NPAS3: variants seen among roughly 807,000 people sequenced by gnomAD.
NPAS3 encodes the protein neuronal PAS domain-containing protein 3.
A neutral mutation model predicts 73.1 loss-of-function variants in NPAS3; 14 were observed. The observed-to-expected ratio is 0.19, with a 90% CI of 0.13 to 0.30. The LOEUF is 0.30. Among genes scored for constraint, NPAS3 ranks in the 10% least tolerant of loss-of-function variants. The pLI is 1.00. For synonymous variants in NPAS3, 620 were observed against 541.5 expected (o/e 1.14, Z -2.01); for missense variants, 1,096 against 1,250.0 (o/e 0.88, Z 1.86).
At chr14:33,149,414 C>T (rs913942909) in intron 2 of NPAS3, among the ~76,000 whole-genome samples, 1 of 152,170 alleles carries the variant, frequency 6.6e-6, no homozygotes, top group Non-Finnish European at 1.5e-5. Context: ...CTTAATCACA[C>T]CTTCTCATGA....
chr14:33,462,321 A>G (rs1160570437), intron 4 of NPAS3, among the ~76,000 whole-genome samples: 1 of 152,124 alleles, frequency 6.6e-6, no homozygotes, highest in Non-Finnish European at 1.5e-5. Flanking sequence ...GCTGCTGGCA[A>G]ACCTCTGGTT....
chr14:33,564,171 G>A (rs1253068137), intron 5 of NPAS3, among the ~76,000 whole-genome samples: 1 of 152,078 alleles, frequency 6.6e-6, no homozygotes, highest in African/African-American at 2.4e-5. Flanking sequence ...CAACAAAGAG[G>A]CTCATAAAAA....
intron 6 of NPAS3, among the ~76,000 whole-genome samples, chr14:33,681,761 C>T (rs1030050383): frequency 2.6e-5 from 4 of 152,138 alleles, no homozygotes; most frequent in Non-Finnish European, 5.9e-5. Context: ...TTCTTTTATA[C>T]ATAAATAGGG....
At chr14:32,963,972 C>T (rs985572445) in intron 1 of NPAS3, among the ~76,000 whole-genome samples, 2 of 151,700 alleles carry the variant, frequency 1.3e-5, no homozygotes, top group Non-Finnish European at 2.9e-5. Context: ...GCTATCCTTC[C>T]TTGGTATACC....
At chr14:33,155,410 G>A (rs2044610876) in intron 2 of NPAS3, among the ~76,000 whole-genome samples, 1 of 152,100 alleles carries the variant, frequency 6.6e-6, no homozygotes, top group African/African-American at 2.4e-5. Flanking sequence ...GGGGTGAGGA[G>A]GAACTGGGTA....
rs113886646 is a variant in NPAS3 at position 33,617,723 on chromosome 14, T to C, written c.558+57513T>C. On this transcript the variant is annotated intron_variant, in intron 5 of 11. Transcript: ENST00000356141. ...TCTGAAGTGTAGTAAATCACAGCGA[T>C]CAAGGGCTGTGCCACATTAGGCATC... Among the ~76,000 whole-genome samples the C allele has an allele frequency of 2.9e-3, 441 of 152,286 alleles. 2 individuals carry two copies. Among genetic ancestry groups the C allele is most frequent in the Non-Finnish European group, 5.0e-3 (342 of 68,028 alleles).
chr14:33,035,707 A>G (rs1226747725), intron 1 of NPAS3, among the ~76,000 whole-genome samples: 2 of 152,196 alleles, frequency 1.3e-5, no homozygotes, highest in African/African-American at 4.8e-5. Flanking sequence ...GGAACTGTCT[A>G]GTCTACAAAT....
At chr14:33,469,505 C>A (rs1179529088) in intron 4 of NPAS3, among the ~76,000 whole-genome samples, 1 of 152,110 alleles carries the variant, frequency 6.6e-6, no homozygotes, top group African/African-American at 2.4e-5. Context: ...TAGAAATCAG[C>A]CTTAATGTTG....
chr14:33,108,665 T>G lies in NPAS3; in HGVS notation c.140+52671T>G, dbSNP rs760825580. Among the ~76,000 whole-genome samples, 53 of 152,322 alleles carry G rather than the reference T, an allele frequency of 3.5e-4. 1 individual carries two copies. The Middle Eastern group carries it at 0.01, about 29-fold the overall frequency. On this transcript the variant is annotated intron_variant, in intron 2 of 11. Coordinates refer to ENST00000356141, the Ensembl canonical transcript of NPAS3. ...GAATGTTGTTTTTGACTGGTTTGTTTATATTGAAACTATATTATTTTATGT... is the reference window on the plus strand; with the variant it reads ...GAATGTTGTTTTTGACTGGTTTGTTGATATTGAAACTATATTATTTTATGT...
intron 2 of NPAS3, among the ~76,000 whole-genome samples, chr14:33,185,974 G>T (rs2045960252): frequency 6.6e-6 from 1 of 152,130 alleles, no homozygotes; most frequent in African/African-American, 2.4e-5. Flanking sequence ...CACAAGGGAA[G>T]AAATCAAGTG....
At chr14:33,787,952 G>A (rs569964168) in intron 9 of NPAS3, among the ~76,000 whole-genome samples, 10 of 151,078 alleles carry the variant, frequency 6.6e-5, no homozygotes, top group Non-Finnish European at 1.5e-4. Context: ...GAATTAAAAA[G>A]AAAAAAAAGG....
rs539706170 is a variant in NPAS3, at chr14:33,771,913, G to C, written c.853-2424G>C. On this transcript the variant is annotated intron_variant, in intron 7 of 11. Transcript: ENST00000356141. ...TTGAAGTGACTCTTAAACAAGACAT[G>C]GAAACATAGTTCCAGGCACTATTTG... is the stretch of plus-strand genomic sequence containing the variant. 8.5e-5 allele frequency among the ~76,000 whole-genome samples: 13 copies of C among 152,252 alleles called. No individual in the cohort carries two copies. In the South Asian group the frequency reaches 2.7e-3, roughly 32 times the overall value.
chr14:33,483,586 A>G (rs1466640206), intron 4 of NPAS3, among the ~76,000 whole-genome samples: 1 of 152,190 alleles, frequency 6.6e-6, no homozygotes, highest in Admixed American at 6.5e-5. Flanking sequence ...CACAGCAGAC[A>G]GTTACCTAAT....
intron 2 of NPAS3, among the ~76,000 whole-genome samples, chr14:33,131,172 C>T (rs992663034): frequency 5.9e-5 from 9 of 151,964 alleles, no homozygotes; most frequent in African/African-American, 2.2e-4. Context: ...ACACTTTTTT[C>T]CTCAAGGAAA....
intron 5 of NPAS3, among the ~76,000 whole-genome samples, chr14:33,673,724 A>G (rs1460084987): frequency 6.6e-6 from 1 of 152,214 alleles, no homozygotes; most frequent in East Asian, 1.9e-4. Flanking sequence ...CCAGGGGAGC[A>G]TCCATGTGGA....
At chr14:33,670,373 A>C (rs2140311681) in intron 5 of NPAS3, among the ~76,000 whole-genome samples, 1 of 152,256 alleles carries the variant, frequency 6.6e-6, no homozygotes, top group East Asian at 1.9e-4. Flanking sequence ...TAACAGACCG[A>C]ATGCTTTTAT....
chr14:33,089,610 C>T (rs1167264128), intron 2 of NPAS3, among the ~76,000 whole-genome samples: 1 of 152,102 alleles, frequency 6.6e-6, no homozygotes, highest in African/African-American at 2.4e-5. Context: ...CCCAACCTAG[C>T]AGGCAGGCCA....
intron 3 of NPAS3, among the ~76,000 whole-genome samples, chr14:33,302,915 T>C (rs2042611522): frequency 6.6e-6 from 1 of 152,066 alleles, no homozygotes. Flanking sequence ...CTCTCTCTTT[T>C]TTTTTTTTAA....
chr14:33,016,280 A>G (rs1291174320), intron 1 of NPAS3, among the ~76,000 whole-genome samples: 1 of 152,156 alleles, frequency 6.6e-6, no homozygotes, highest in Non-Finnish European at 1.5e-5. Context: ...GCCCCGCTTA[A>G]TACAGAGCCA....
Sources: allele counts gnomAD v4.1 joint callset (sites outside exome capture counted in the v4.1 genomes callset), GRCh38; gene constraint gnomAD v4.1.1; transcripts MANE v1.5; gene names NCBI Gene and HGNC (gene_info 2026-07-23, HGNC 2026-07-21).